GFRAL: variants seen among roughly 807,000 people sequenced by gnomAD.
The protein encoded by GFRAL is GDNF family receptor alpha-like.
GFRAL carries 36 observed loss-of-function variants against 45.4 expected under a neutral mutation model. The observed-to-expected ratio is 0.79, with a 90% CI of 0.61 to 1.05. GFRAL has a LOEUF of 1.05. GFRAL is among the 50% of genes least tolerant of loss of function. GFRAL has a pLI of 0.00. For missense variants in GFRAL, 507 were observed against 467.5 expected (o/e 1.08, Z -0.78); for synonymous variants, 166 against 154.1 (o/e 1.08, Z -0.57).
intron 6 of GFRAL, among the ~76,000 whole-genome samples, chr6:55,395,492 TA>T (rs1768812884): frequency 6.6e-6 from 1 of 152,064 alleles, no homozygotes; most frequent in African/African-American, 2.4e-5. Flanking sequence ...TTTGTGAACT[TA>T]TTTTTTTCCC....
At chr6:55,389,278 T>A (rs1200546492) in intron 6 of GFRAL, among the ~76,000 whole-genome samples, 1 of 152,160 alleles carries the variant, frequency 6.6e-6, no homozygotes, top group Non-Finnish European at 1.5e-5. Flanking sequence ...CCAGCCAGCA[T>A]GTGTTGTTCC....
intron 1 of GFRAL, among the ~76,000 whole-genome samples, 183 bp from the exon 2 acceptor site, chr6:55,331,532 T>C (rs1212040309): frequency 1.3e-5 from 2 of 152,154 alleles, no homozygotes; most frequent in African/African-American, 4.8e-5. Context: ...AATATTCATT[T>C]AAGAATCTAT....
intron 3 of GFRAL, 66 bp from the exon 4 acceptor site, chr6:55,350,026 C>A: frequency 1.1e-6 from 1 of 932,608 alleles, no homozygotes; most frequent in Non-Finnish European, 1.8e-6. Flanking sequence ...TAAATGTGGC[C>A]CACGTTTTCC....
chr6:55,393,129 C>T (rs1768776252), intron 6 of GFRAL, among the ~76,000 whole-genome samples: 1 of 142,448 alleles, frequency 7.0e-6, no homozygotes, highest in South Asian at 2.2e-4. Flanking sequence ...ACATCTTATG[C>T]CTGCACACAT....
chr6:55,347,052 GT>G (rs1768053272), intron 3 of GFRAL, among the ~76,000 whole-genome samples: 1 of 152,048 alleles, frequency 6.6e-6, no homozygotes, highest in East Asian at 1.9e-4. Context: ...ATTTTATAGG[GT>G]TGGAGTTTTA....
chr6:55,331,832 A>G lies in GFRAL; in HGVS notation c.140A>G (p.Asp47Gly). Residue 47 changes from aspartate (D) to glycine (G), a missense_variant, in exon 2 of 9, where the codon GAT (aspartate) becomes GGT (glycine). Physicochemically the swap from Asp to Gly is moderately conservative, Grantham distance 94. Coordinates refer to ENST00000340465, the MANE Select transcript of GFRAL (RefSeq NM_207410.2). ...GCKHAWRVME[D>G]ACNDSDPGDP... Reference sequence around the variant, plus strand: ...AAACATGCTTGGAGAGTAATGGAAGATGCCTGCAATGATTCAGGTAAACAA... The same window carrying G: ...AAACATGCTTGGAGAGTAATGGAAGGTGCCTGCAATGATTCAGGTAAACAA... The G allele has an allele frequency of 6.2e-7, 1 of 1,609,874 alleles. No individual in the cohort carries two copies. Among genetic ancestry groups the G allele is most frequent in the Non-Finnish European group, 8.5e-7 (1 of 1,178,582 alleles).
intron 3 of GFRAL, among the ~76,000 whole-genome samples, chr6:55,342,838 C>A (rs1278665824): frequency 6.6e-6 from 1 of 151,850 alleles, no homozygotes; most frequent in Non-Finnish European, 1.5e-5. Flanking sequence ...GAAGATCTAC[C>A]AAGCAAATGG....
chr6:55,390,113 C>G (rs2127365265), intron 6 of GFRAL, among the ~76,000 whole-genome samples: 1 of 152,344 alleles, frequency 6.6e-6, no homozygotes, highest in South Asian at 2.1e-4. Flanking sequence ...TGACCTTTCT[C>G]CAGTTTCCTC....
chr6:55,334,000 A>G lies in GFRAL; in HGVS notation c.316+56A>G, dbSNP rs1767862386. 7 of 1,022,418 alleles carry G rather than the reference A, an allele frequency of 6.8e-6. No homozygotes were observed. In the East Asian group the frequency reaches 1.8e-4, roughly 27 times the overall value. The allele number at this position is 1,022,418 out of a possible 1,614,324, so 63.3% of individuals were successfully genotyped here. A position where few individuals can be genotyped will look rare whatever the true frequency, so the allele number is the denominator to read the frequency against. On this transcript the variant is annotated intron_variant, in intron 3 of 8. Transcript: ENST00000340465. ...TCATGAAAAAGAAAGCAACAATTTCAAAATTAACCACATCTATGTAATGTG... is the reference window on the plus strand; with the variant it reads ...TCATGAAAAAGAAAGCAACAATTTCGAAATTAACCACATCTATGTAATGTG...
intron 6 of GFRAL, among the ~76,000 whole-genome samples, chr6:55,359,553 A>G (rs916748354): frequency 1.3e-5 from 2 of 151,894 alleles, no homozygotes; most frequent in South Asian, 2.1e-4. Flanking sequence ...GCTCAGCTGG[A>G]TGGCTCTTCC....
intron 1 of GFRAL, among the ~76,000 whole-genome samples, chr6:55,331,208 A>G (rs1422294418): frequency 1.3e-5 from 2 of 152,192 alleles, no homozygotes; most frequent in African/African-American, 4.8e-5. Flanking sequence ...AGGTCTGAGA[A>G]GAGAACCTAA....
intron 6 of GFRAL, among the ~76,000 whole-genome samples, chr6:55,361,591 T>C (rs114470959): frequency 0.029 from 4,348 of 152,128 alleles, 127 homozygotes; most frequent in South Asian, 0.11. Flanking sequence ...AACTCACAGG[T>C]ATGGAGTGAT....
At position 55,363,092 on chromosome 6, in the gene GFRAL, T is replaced by C. The variant is rs1223747579; in HGVS notation, c.952+3954T>C. ...GGATTAAGAAAAAGCAGAAAACCTC[T>C]GTTTAGTAAATTCTACAAGAGATGG... On this transcript the variant is annotated intron_variant, in intron 6 of 8. Transcript: ENST00000340465. Among the ~76,000 whole-genome samples the C allele has an allele frequency of 3.3e-5, 5 of 150,672 alleles. No individual in the cohort carries two copies. In the Admixed American group the frequency reaches 3.3e-4, roughly 10 times the overall value.
chr6:55,339,737 A>G (rs1767938030), intron 3 of GFRAL, among the ~76,000 whole-genome samples: 2 of 152,330 alleles, frequency 1.3e-5, no homozygotes, highest in South Asian at 2.1e-4. Context: ...AATTAGGCTG[A>G]AATGTTAGCA....
At chr6:55,360,528 T>C (rs1009770381) in intron 6 of GFRAL, among the ~76,000 whole-genome samples, 1 of 152,018 alleles carries the variant, frequency 6.6e-6, no homozygotes, top group Non-Finnish European at 1.5e-5. Flanking sequence ...TGATTTGTTG[T>C]ATATTATGTA....
intron 3 of GFRAL, among the ~76,000 whole-genome samples, chr6:55,340,313 C>A (rs1467444113): frequency 5.9e-5 from 9 of 152,180 alleles, no homozygotes; most frequent in African/African-American, 2.2e-4. Flanking sequence ...ATGCACTTTT[C>A]TATTCTCAAG....
At position 55,383,540 on chromosome 6, in the gene GFRAL, G is replaced by A. The variant is rs371385434; in HGVS notation, c.953-15640G>A. On this transcript the variant is annotated intron_variant, in intron 6 of 8. Transcript: ENST00000340465. ...TTCAGTATTCAGTAACATGCTGTACGGGTTTGTAGCCTAGGAGCAACAGGC... is the reference window on the plus strand; with the variant it reads ...TTCAGTATTCAGTAACATGCTGTACAGGTTTGTAGCCTAGGAGCAACAGGC... Among the ~76,000 whole-genome samples, 16 of 152,038 alleles carry A rather than the reference G, an allele frequency of 1.1e-4. No individual in the cohort carries two copies. The East Asian group carries it at 1.7e-3, about 17-fold the overall frequency.
chr6:55,336,840 G>A (rs1344365700), intron 3 of GFRAL, among the ~76,000 whole-genome samples: 1 of 151,794 alleles, frequency 6.6e-6, no homozygotes, highest in Non-Finnish European at 1.5e-5. Context: ...CATAAAGAGT[G>A]TGTGTGTGTG....
chr6:55,387,434 T>G (rs916718710), intron 6 of GFRAL, among the ~76,000 whole-genome samples: 40 of 152,334 alleles, frequency 2.6e-4, no homozygotes, highest in African/African-American at 8.2e-4. Flanking sequence ...TCATTTATTA[T>G]GAGCATGTGT....
Sources: allele counts gnomAD v4.1 joint callset (sites outside exome capture counted in the v4.1 genomes callset), GRCh38; gene constraint gnomAD v4.1.1; transcripts MANE v1.5; gene names NCBI Gene and HGNC (gene_info 2026-07-23, HGNC 2026-07-21).